GLIS3: variants seen among roughly 807,000 people sequenced by gnomAD.
GLIS3 encodes the protein GLIS family zinc finger 3.
Under a neutral mutation model 78.6 loss-of-function variants are expected in GLIS3, and 53 were observed. The ratio of observed to expected loss-of-function variants is 0.67; its 90% CI spans 0.54 to 0.85. The LOEUF is 0.85. Ranked by LOEUF, GLIS3 falls within the 40% of genes least tolerant of loss-of-function variation. The pLI is 0.00. For synonymous variants in GLIS3, 684 were observed against 509.9 expected (o/e 1.34, Z -4.60); for missense variants, 1,703 against 1,231.1 (o/e 1.38, Z -5.74).
chr9:4,390,874 G>A, the GLIS3 span, among the ~76,000 whole-genome samples: 95 of 152,302 alleles, frequency 6.2e-4, no homozygotes, highest in African/African-American at 2.2e-3. Flanking sequence ...GTAGAGAGCT[G>A]GAGGCAGAAA....
At chr9:4,469,570 G>A in the GLIS3 span, among the ~76,000 whole-genome samples, 2 of 152,136 alleles carry the variant, frequency 1.3e-5, no homozygotes, top group Non-Finnish European at 2.9e-5. Context: ...CAGAAATAAA[G>A]ATGTTCTTTG....
chr9:4,022,974 C>G (rs1294683836), intron 4 of GLIS3, among the ~76,000 whole-genome samples: 3 of 152,074 alleles, frequency 2.0e-5, no homozygotes, highest in Admixed American at 1.3e-4. Context: ...AAAATGCTCT[C>G]TCTGTTGTCT....
intron 4 of GLIS3, among the ~76,000 whole-genome samples, chr9:4,084,256 AACACACACAC>A (rs370384726): frequency 2.0e-4 from 26 of 132,120 alleles, no homozygotes; most frequent in South Asian, 1.6e-3. Flanking sequence ...TCCTCTCTCT[AACACACACAC>A]ACACACACAC....
At chr9:4,313,519 G>A (rs1275924267) in intron 2 of GLIS3, among the ~76,000 whole-genome samples, 1 of 152,160 alleles carries the variant, frequency 6.6e-6, no homozygotes, top group East Asian at 1.9e-4. Context: ...TTGGCCTCCA[G>A]TCTCTCCCCA....
Position 4,125,804 on chromosome 9 carries a change from T to A in GLIS3, c.526A>T (p.Asn176Tyr). ...CTCTGTAAGCTAGGACTGATCTGGTTGCATGCTGTAGAGACCTGGCTTGCT... is the reference window on the plus strand; with the variant it reads ...CTCTGTAAGCTAGGACTGATCTGGTAGCATGCTGTAGAGACCTGGCTTGCT... ...PPASQVSTAC[N>Y]QISPSLQRAM... The change falls in exon 3 of 11, where the codon AAC (asparagine) becomes TAC (tyrosine). Residue 176 changes from asparagine to tyrosine, a missense_variant. Transcript: ENST00000381971. 1 of 1,614,152 alleles carries A rather than the reference T, an allele frequency of 6.2e-7. No homozygotes were observed. Among genetic ancestry groups the A allele is most frequent in the Non-Finnish European group, 8.5e-7 (1 of 1,179,996 alleles).
rs766150384 is a variant in GLIS3, at chr9:4,286,468, C to A, written c.-43G>T. 1 of 1,609,740 alleles carries A rather than the reference C, an allele frequency of 6.2e-7. No individual in the cohort carries two copies. The highest frequency in any genetic ancestry group is 8.5e-7 in the Non-Finnish European group (1 of 1,178,890). ...CAAGACGGTCAAATATCCAATGTCA[C>A]TAATGACTCCTTTCAGGCAAAGTCC... On this transcript the variant is annotated 5_prime_UTR_variant, in exon 2 of 11. Coordinates refer to ENST00000381971, the MANE Select transcript of GLIS3 (RefSeq NM_001042413.2).
chr9:3,963,538 C>T (rs1817720222), intron 4 of GLIS3, among the ~76,000 whole-genome samples: 1 of 152,188 alleles, frequency 6.6e-6, no homozygotes, highest in African/African-American at 2.4e-5. Flanking sequence ...GTTAGTGACT[C>T]AGCCAGAGTA....
rs1018245715 is a variant in GLIS3 at position 4,047,281 on chromosome 9, C to T, written c.1710+70487G>A. On this transcript the variant is annotated intron_variant, in intron 4 of 10. Coordinates refer to ENST00000381971, the MANE Select transcript of GLIS3 (RefSeq NM_001042413.2). Reference sequence around the variant, plus strand: ...TGATTGTAAGTTTCCTGAGGCCACCCCAGTCATGCAGAACGTGAGTCAATT... The same window carrying T: ...TGATTGTAAGTTTCCTGAGGCCACCTCAGTCATGCAGAACGTGAGTCAATT... Among the ~76,000 whole-genome samples the T allele has an allele frequency of 2.0e-5, 3 of 152,208 alleles. No homozygotes were observed. The South Asian group carries it at 6.2e-4, about 32-fold the overall frequency.
chr9:4,106,703 G>C (rs552852763), intron 4 of GLIS3, among the ~76,000 whole-genome samples: 1 of 152,200 alleles, frequency 6.6e-6, no homozygotes, highest in South Asian at 2.1e-4. Flanking sequence ...GAACAGATGG[G>C]GAATATTGTG....
At chr9:4,416,812 G>GTTTTT in the GLIS3 span, among the ~76,000 whole-genome samples, 24 of 95,796 alleles carry the variant, frequency 2.5e-4, 1 homozygote, top group Admixed American at 5.3e-4. Context: ...CCCATAGTCA[G>GTTTTT]TTTTTTTTTT....
the GLIS3 span, among the ~76,000 whole-genome samples, chr9:4,371,781 A>C: frequency 6.6e-6 from 1 of 152,236 alleles, no homozygotes. Context: ...CTCCTACAAA[A>C]TGAATTTAAA....
At chr9:4,256,182 G>C (rs1435528924) in intron 2 of GLIS3, among the ~76,000 whole-genome samples, 1 of 152,118 alleles carries the variant, frequency 6.6e-6, no homozygotes, top group African/African-American at 2.4e-5. Context: ...CTATTAAAAA[G>C]AGCATCACAG....
At position 3,840,183 on chromosome 9, in the gene GLIS3, A is replaced by G. The variant is rs1588062900; in HGVS notation, c.2474-10691T>C. On this transcript the variant is annotated intron_variant, in intron 9 of 10. Transcript: ENST00000381971. ...TAGTAGGCCTTAAGTTCAACTATGT[A>G]ACCATGAAATAAGCTTAGAAATATG... 2.0e-5 allele frequency among the ~76,000 whole-genome samples: 3 copies of G among 152,242 alleles called. No individual in the cohort carries two copies. The East Asian group carries it at 5.8e-4, about 29-fold the overall frequency.
At chr9:4,490,407 C>T in the GLIS3 span, 1 of 235,498 alleles carries the variant, frequency 4.2e-6, no homozygotes, top group Non-Finnish European at 8.0e-6. Context: ...TCCTTCCTCG[C>T]TGGTTGGCCC....
At chr9:4,342,431 C>T (rs1280027362) in intron 2 of GLIS3, among the ~76,000 whole-genome samples, 1 of 152,134 alleles carries the variant, frequency 6.6e-6, no homozygotes, top group East Asian at 1.9e-4. Context: ...TTTCTGGGTT[C>T]TCTATTCTGT....
chr9:4,252,016 TTC>T (rs1384017533), intron 2 of GLIS3, among the ~76,000 whole-genome samples: 6 of 152,300 alleles, frequency 3.9e-5, no homozygotes, highest in African/African-American at 1.4e-4. Context: ...AACCGGACCT[TTC>T]TCTCTGGCTG....
chr9:4,048,606 G>A (rs1408993080), intron 4 of GLIS3, among the ~76,000 whole-genome samples: 1 of 152,150 alleles, frequency 6.6e-6, no homozygotes, highest in African/African-American at 2.4e-5. Flanking sequence ...AATGAAGACA[G>A]AAGCATCTCT....
At chr9:4,187,385 T>C (rs957036932) in intron 2 of GLIS3, among the ~76,000 whole-genome samples, 1 of 152,178 alleles carries the variant, frequency 6.6e-6, no homozygotes, top group Non-Finnish European at 1.5e-5. Context: ...ACCATGCTGT[T>C]TTGGTTACTG....
At chr9:4,324,868 C>G (rs1316120798) in intron 2 of GLIS3, among the ~76,000 whole-genome samples, 2 of 152,162 alleles carry the variant, frequency 1.3e-5, no homozygotes, top group African/African-American at 4.8e-5. Flanking sequence ...TCTTACCTTG[C>G]TTTAAAACCT....
Sources: allele counts gnomAD v4.1 joint callset (sites outside exome capture counted in the v4.1 genomes callset), GRCh38; gene constraint gnomAD v4.1.1; transcripts MANE v1.5; gene names NCBI Gene and HGNC (gene_info 2026-07-23, HGNC 2026-07-21).